ADAM28: variants seen among roughly 807,000 people sequenced by gnomAD.
The protein encoded by ADAM28 is ADAM metallopeptidase domain 28.
In ADAM28, 105 loss-of-function variants were observed where a neutral mutation model predicts 101.2. The observed-to-expected ratio is 1.04, with a 90% confidence interval of 0.89 to 1.22. The LOEUF (loss-of-function observed/expected upper bound fraction) is 1.22, where lower values mean the gene tolerates loss of function less well. Ranked by LOEUF, ADAM28 falls within the 50% of genes most tolerant of loss-of-function variation. ADAM28 has a pLI of 0.00. For synonymous variants in ADAM28, 322 were observed against 310.6 expected, an observed-to-expected ratio of 1.04 and a Z score of -0.39; for missense variants, 1,028 against 945.4, an observed-to-expected ratio of 1.09 and a Z score of -1.15.
chr8:24,338,298 G>C (rs1814343417), intron 14 of ADAM28, among the ~76,000 whole-genome samples: 1 of 152,106 alleles, frequency 6.6e-6, no homozygotes, highest in Non-Finnish European at 1.5e-5. Flanking sequence ...TTAATGCCTG[G>C]GGAAAGGACA....
At chr8:24,343,842 C>T (rs1487481349) in intron 18 of ADAM28, among the ~76,000 whole-genome samples, 1 of 152,158 alleles carries the variant, frequency 6.6e-6, no homozygotes, top group Non-Finnish European at 1.5e-5. Flanking sequence ...CACAAATTTT[C>T]TTACTTTAGG....
chr8:24,331,371 T>C, intron 12 of ADAM28, 44 bp downstream of exon 12: 1 of 1,543,384 alleles, frequency 6.5e-7, no homozygotes, highest in East Asian at 2.3e-5. Context: ...GGTTTTTCAG[T>C]TGCTAAGAAG....
chr8:24,332,778 T>A, intron 13 of ADAM28, 29 bp downstream of exon 13: 1 of 1,242,942 alleles, frequency 8.0e-7, no homozygotes. Flanking sequence ...ATTTTAATAA[T>A]TATGATTACA....
In ADAM28 at chr8:24,343,505, G is replaced by A. The variant is rs760956263; in HGVS notation, c.1912-1G>A. On this transcript the variant is annotated splice_acceptor_variant, in intron 17 of 22. Coordinates refer to ENST00000265769, the MANE Select transcript of ADAM28 (RefSeq NM_014265.6). LOFTEE classifies it high-confidence loss of function. ...CAGTAACAGGATCATTGCTCCCCTA[G>A]GTGTGTGACCATGAGCTCCAGTGTC... is the stretch of plus-strand genomic sequence containing the variant. 2.5e-6 allele frequency: 4 copies of A among 1,613,546 alleles called. No individual in the cohort carries two copies. Among genetic ancestry groups the A allele is most frequent in the Non-Finnish European group, 3.4e-6 (4 of 1,179,780 alleles).
intron 6 of ADAM28, among the ~76,000 whole-genome samples, chr8:24,318,955 G>A (rs895361555): frequency 6.6e-6 from 1 of 151,816 alleles, no homozygotes; most frequent in Non-Finnish European, 1.5e-5. Flanking sequence ...AAAGCCCTCC[G>A]ATGTCTTCCC....
At chr8:24,343,223 A>G in intron 17 of ADAM28, 42 bp downstream of exon 17, 2 of 1,594,476 alleles carry the variant, frequency 1.3e-6, no homozygotes, top group East Asian at 4.5e-5. Flanking sequence ...TCTGAATCTT[A>G]TGACATTCTA....
In ADAM28 at chr8:24,349,864, A is replaced by G; in HGVS notation, c.1991A>G (p.His664Arg). 1 of 1,613,448 alleles carries G rather than the reference A, an allele frequency of 6.2e-7. No homozygotes were observed. Among genetic ancestry groups the G allele is most frequent in the Non-Finnish European group, 8.5e-7 (1 of 1,179,610 alleles). Residue 664 changes from histidine (H) to arginine (R), a missense_variant and splice_region_variant, in exon 19 of 23, where the codon CAC (histidine) becomes CGC (arginine). By Grantham distance (29) the His-to-Arg change is conservative (BLOSUM62 0). Coordinates refer to ENST00000265769, the MANE Select transcript of ADAM28 (RefSeq NM_014265.6). The stretch of plus-strand genomic sequence containing the variant: ...AGCGGGCCCCTGTTCTCTGCTGCAG[A>G]CTTCTCCATTGTGGTTGGGGTGCTG... ...PDCDDSSVVFHFSIVVGVLFP... is the reference protein window; with the variant it reads ...PDCDDSSVVFRFSIVVGVLFP...
chr8:24,327,946 T>C (rs1812845714), intron 10 of ADAM28, among the ~76,000 whole-genome samples: 1 of 152,122 alleles, frequency 6.6e-6, no homozygotes, highest in South Asian at 2.1e-4. Context: ...TTGTTTTAGA[T>C]ATCCATCTTT....
intron 8 of ADAM28, 143 bp from the exon 9 acceptor site, chr8:24,323,691 T>G (rs368221631): frequency 1.2e-5 from 10 of 817,318 alleles, no homozygotes; most frequent in South Asian, 8.4e-5. Flanking sequence ...AAATAGTCAA[T>G]ACATTCTGTT....
At position 24,331,257 on chromosome 8, in the gene ADAM28, T is replaced by C. The variant is rs1813320801; in HGVS notation, c.1211T>C (p.Ile404Thr). 2 of 1,612,790 alleles carry C rather than the reference T, an allele frequency of 1.2e-6. No individual in the cohort carries two copies. The highest frequency in any genetic ancestry group is 2.2e-5 in the East Asian group (1 of 44,844). ...CLFNAPLPTDIISTPICGNQL... is the reference protein window; with the variant it reads ...CLFNAPLPTDTISTPICGNQL... Reference sequence around the variant, plus strand: ...TTTAATGCTCCATTGCCTACAGATATCATATCCACTCCAATTTGTGGGAAC... The same window carrying C: ...TTTAATGCTCCATTGCCTACAGATACCATATCCACTCCAATTTGTGGGAAC... The change falls in exon 12 of 23, where the codon ATC (isoleucine) becomes ACC (threonine). Residue 404 changes from isoleucine to threonine, a missense_variant. Transcript: ENST00000265769.
intron 10 of ADAM28, 84 bp from the exon 11 acceptor site, chr8:24,329,901 G>C: frequency 7.0e-7 from 1 of 1,422,960 alleles, no homozygotes; most frequent in Non-Finnish European, 9.7e-7. Flanking sequence ...GAGAGAGAGA[G>C]AGAGAGAGAG....
chr8:24,339,876 A>C (rs1327378080), intron 15 of ADAM28, among the ~76,000 whole-genome samples: 1 of 152,174 alleles, frequency 6.6e-6, no homozygotes, highest in Admixed American at 6.5e-5. Context: ...GTCTGGTTAG[A>C]AATTTGTCCA....
rs1464274919 is a variant in ADAM28 at position 24,321,241 on chromosome 8, A to C, written c.672A>C (p.Gln224His). ...AGTTTAAAAGGTACAATGAGAATCA[A>C]GATGAGATCAGAAAGAGGGTATTTG... ...NGEFKRYNEN[Q>H]DEIRKRVFEM... Residue 224 changes from glutamine (Q) to histidine (H), a missense_variant, in exon 8 of 23, where the codon CAA becomes CAC. Transcript: ENST00000265769. 2.5e-6 allele frequency: 4 copies of C among 1,606,044 alleles called. No homozygotes were observed. The highest frequency in any genetic ancestry group is 3.4e-6 in the Non-Finnish European group (4 of 1,173,452).
chr8:24,342,425 G>A (rs554146278), intron 16 of ADAM28, among the ~76,000 whole-genome samples: 2 of 152,176 alleles, frequency 1.3e-5, no homozygotes, highest in South Asian at 4.2e-4. Flanking sequence ...GGTTCAGTGT[G>A]GGTATTGCTT....
At chr8:24,315,658 A>G (rs1195356542) in intron 6 of ADAM28, among the ~76,000 whole-genome samples, 1 of 151,994 alleles carries the variant, frequency 6.6e-6, no homozygotes, top group Admixed American at 6.6e-5. Flanking sequence ...AGTACTTGTT[A>G]CAAGCCCAGC....
intron 13 of ADAM28, among the ~76,000 whole-genome samples, chr8:24,333,805 C>T (rs1001123973): frequency 6.6e-6 from 1 of 152,096 alleles, no homozygotes; most frequent in Non-Finnish European, 1.5e-5. Flanking sequence ...TCTGAATTGT[C>T]CTTCAAGTTT....
At chr8:24,298,145 T>A (rs1808219983) in intron 1 of ADAM28, among the ~76,000 whole-genome samples, 1 of 152,216 alleles carries the variant, frequency 6.6e-6, no homozygotes, top group Non-Finnish European at 1.5e-5. Flanking sequence ...TTAGAAACCA[T>A]TTAATTGGCG....
intron 1 of ADAM28, chr8:24,299,752 G>T (rs1365058244): frequency 2.9e-6 from 1 of 349,852 alleles, no homozygotes; most frequent in Non-Finnish European, 5.2e-6. Context: ...TTTTAGTGGG[G>T]AAGGATCTGA....
chr8:24,296,378 A>C (rs1807969159), intron 1 of ADAM28: 1 of 152,232 alleles, frequency 6.6e-6, no homozygotes, highest in Admixed American at 6.5e-5. Flanking sequence ...TGGTTTGAGG[A>C]GATGCAGAGA....
Sources: allele counts gnomAD v4.1 joint callset (sites outside exome capture counted in the v4.1 genomes callset), GRCh38; gene constraint gnomAD v4.1.1; transcripts MANE v1.5; gene names NCBI Gene and HGNC (gene_info 2026-07-23, HGNC 2026-07-21).